Variants in LIMK2 observed in about 807,000 individuals in gnomAD.
The protein encoded by LIMK2 is LIM domain kinase 2.
In LIMK2, 35 loss-of-function variants were observed where a neutral mutation model predicts 75.7. The ratio of observed to expected loss-of-function variants is 0.46; its 90% CI spans 0.35 to 0.61. LIMK2 has a LOEUF of 0.61. Among genes scored for constraint, LIMK2 ranks in the 20% least tolerant of loss-of-function variants. The pLI is 0.00. For synonymous variants in LIMK2, 301 were observed against 319.2 expected (o/e 0.94, Z 0.61); for missense variants, 623 against 831.0 (o/e 0.75, Z 3.08).
In LIMK2 at chr22:31,266,087, C is replaced by T; in HGVS notation, c.996C>T (p.Ile332=). 1 of 1,614,196 alleles carries T rather than the reference C, an allele frequency of 6.2e-7. No homozygotes were observed. Among genetic ancestry groups the T allele is most frequent in the Non-Finnish European group, 8.5e-7 (1 of 1,180,032 alleles). The change falls in exon 8 of 16, where the codon ATC becomes ATT. Residue 332 remains isoleucine (I), a synonymous_variant. Transcript: ENST00000331728. ...SQQIFRPCDL[I]HGEVLGKGFF... ...AGATCTTCCGGCCCTGTGACCTAAT[C>T]CATGGGGAGGTCCTGGGGAAGGGCT...
rs772090294 is a variant in LIMK2, at chr22:31,259,861, C to T, written c.363-28C>T. Reference sequence around the variant, plus strand: ...GGGCTTCTGTGTGGGACTCTAGCATCTTATTCCCCCCTGTGCCCTCTCCCC... The same window carrying T: ...GGGCTTCTGTGTGGGACTCTAGCATTTTATTCCCCCCTGTGCCCTCTCCCC... On this transcript the variant is annotated intron_variant, in intron 4 of 15. Transcript: ENST00000331728. The T allele has an allele frequency of 5.1e-6, 8 of 1,581,716 alleles. No individual in the cohort carries two copies. The Admixed American group carries it at 1.4e-4, about 27-fold the overall frequency.
Position 31,212,299 on chromosome 22 carries a change from T to C in LIMK2, c.-110T>C. ...ATCCCGTTCGCGCCTGGGGCTGTGG[T>C]CTTCCCGCGCCTGAGGCGGCGGCGG... On this transcript the variant is annotated 5_prime_UTR_variant, in exon 1 of 16. Transcript: ENST00000331728. 1 of 1,191,676 alleles carries C rather than the reference T, an allele frequency of 8.4e-7. No homozygotes were observed. Among genetic ancestry groups the C allele is most frequent in the East Asian group, 3.0e-5 (1 of 33,088 alleles). The allele number at this position is 1,191,676 out of a possible 1,614,324, so 73.8% of individuals were successfully genotyped here.
intron 1 of LIMK2, among the ~76,000 whole-genome samples, chr22:31,214,148 A>G (rs908491897): frequency 6.6e-6 from 1 of 151,988 alleles, no homozygotes. Flanking sequence ...ACAGCTGTGT[A>G]ATATAGGTTG....
At chr22:31,271,030 C>A in intron 11 of LIMK2, 106 bp from the exon 12 acceptor site, 1 of 989,394 alleles carries the variant, frequency 1.0e-6, no homozygotes, top group East Asian at 2.4e-5. Context: ...GGTTCTGAAG[C>A]TGGGTGGGCA....
chr22:31,268,338 G>A (rs1423746376), intron 11 of LIMK2, 138 bp downstream of exon 11: 3 of 757,238 alleles, frequency 4.0e-6, no homozygotes, highest in Non-Finnish European at 7.2e-6. Context: ...GAGTTTGTCT[G>A]TGTCACTGAA....
rs2123837077 is a variant in LIMK2 at position 31,259,929 on chromosome 22, G to C, written c.403G>C (p.Glu135Gln). The C allele has an allele frequency of 6.2e-7, 1 of 1,610,102 alleles. No individual in the cohort carries two copies. The highest frequency in any genetic ancestry group is 1.1e-5 in the South Asian group (1 of 90,604). Residue 135 changes from glutamate to glutamine, a missense_variant, in exon 5 of 16, where the codon GAG (glutamate) becomes CAG (glutamine). By Grantham distance (29) the Glu-to-Gln change is conservative. This residue lies in a region of LIMK2 where 514 missense variants were observed against 661.3 expected (regional missense o/e 0.78). Transcript: ENST00000331728. ...TGAGGTGGTGCTGGCACCCATGTTT[G>C]AGAGACTCTCCACAGAGTCTGTTCA... is the stretch of plus-strand genomic sequence containing the variant. ...HNEVVLAPMF[E>Q]RLSTESVQEQ... is the part of the protein sequence containing the mutation.
intron 2 of LIMK2, among the ~76,000 whole-genome samples, chr22:31,231,980 A>G (rs886480493): frequency 3.3e-5 from 5 of 150,700 alleles, no homozygotes; most frequent in African/African-American, 1.2e-4. Flanking sequence ...ACACCTTGCC[A>G]TTTTTTTTTA....
intron 12 of LIMK2, 67 bp downstream of exon 12, chr22:31,271,268 A>T: frequency 7.1e-7 from 1 of 1,401,868 alleles, no homozygotes; most frequent in Non-Finnish European, 1.0e-6. Context: ...GTCACAAAGG[A>T]GGCTGACTTG....
At position 31,272,724 on chromosome 22, in the gene LIMK2, AG is replaced by A. The variant is rs1309672818; in HGVS notation, c.1558+24del. 6.4e-7 allele frequency: 1 copy of A among 1,569,546 alleles called. No individual in the cohort carries two copies. ...TGAACGGTGAGTCCTGAAGCCCTGG[AG>A]GGGACACCCGCAGAGGGAGGACAGA... On this transcript the variant is annotated intron_variant, in intron 13 of 15. Transcript: ENST00000331728.
At chr22:31,239,937 CAAACTTATG>C (rs2048610393) in intron 2 of LIMK2, among the ~76,000 whole-genome samples, 3 of 152,178 alleles carry the variant, frequency 2.0e-5, no homozygotes, top group African/African-American at 7.2e-5. Flanking sequence ...AAGATAAGCT[CAAACTTATG>C]TAGACTAAGA....
At chr22:31,216,534 A>G (rs2123760344) in intron 1 of LIMK2, among the ~76,000 whole-genome samples, 1 of 152,296 alleles carries the variant, frequency 6.6e-6, no homozygotes, top group African/African-American at 2.4e-5. Flanking sequence ...GGAGGTGGGT[A>G]TAGTGGGCCC....
Position 31,224,325 on chromosome 22 carries a change from G to A in LIMK2, c.17-1395G>A, listed in dbSNP as rs577471230. Among the ~76,000 whole-genome samples, 3 of 152,300 alleles carry A rather than the reference G, an allele frequency of 2.0e-5. No homozygotes were observed. In the South Asian group the frequency reaches 6.2e-4, roughly 32 times the overall value. On this transcript the variant is annotated intron_variant, in intron 1 of 15. Transcript: ENST00000331728. The stretch of plus-strand genomic sequence containing the variant: ...CCTTCACCCTCCTTTCTCAGCCAGT[G>A]ATAGGTAAGTCTTCCCTATCTTGCA...
At chr22:31,237,423 G>A (rs5749239) in intron 2 of LIMK2, among the ~76,000 whole-genome samples, 6,748 of 151,842 alleles carry the variant, frequency 0.044, 560 homozygotes, top group East Asian at 0.37. Flanking sequence ...AATTAGCCAG[G>A]CACGATGGCA....
chr22:31,213,817 C>CTTTTTTTTTTT (rs71689139), intron 1 of LIMK2, among the ~76,000 whole-genome samples: 1 of 145,334 alleles, frequency 6.9e-6, no homozygotes. Context: ...TTTCCAGTAA[C>CTTTTTTTTTTT]TTTTTTTTTT....
Position 31,272,608 on chromosome 22 carries a change from G to A in LIMK2, c.1462G>A (p.Ala488Thr), listed in dbSNP as rs553269007. ...GAGGAAAAGGGCCCCCATGGAGAAGGCCACCACCAAGAAACGCACCTTGCG... is the reference window on the plus strand; with the variant it reads ...GAGGAAAAGGGCCCCCATGGAGAAGACCACCACCAAGAAACGCACCTTGCG... ...EERKRAPMEK[A>T]TTKKRTLRKN... The change falls in exon 13 of 16, where the codon GCC becomes ACC. Residue 488 changes from alanine to threonine, a missense_variant. This residue lies in a region of LIMK2 where 514 missense variants were observed against 661.3 expected (regional missense o/e 0.78). Coordinates refer to ENST00000331728, the MANE Select transcript of LIMK2 (RefSeq NM_005569.4). The A allele has an allele frequency of 6.2e-7, 1 of 1,614,090 alleles. No homozygotes were observed. The highest frequency in any genetic ancestry group is 1.3e-5 in the African/African-American group (1 of 75,030).
chr22:31,263,834 TAA>T (rs2048865370), intron 7 of LIMK2, among the ~76,000 whole-genome samples: 1 of 151,966 alleles, frequency 6.6e-6, no homozygotes, highest in Admixed American at 6.6e-5. Context: ...CTACAAAGAA[TAA>T]AAAACTTAAC....
Position 31,270,407 on chromosome 22 carries a change from C to T in LIMK2, c.1318-729C>T, listed in dbSNP as rs148525668. On this transcript the variant is annotated intron_variant, in intron 11 of 15. Transcript: ENST00000331728. Reference sequence around the variant, plus strand: ...CAGGCAGGCAGGTCATGAGCTATAGCGATTCAGGAAGAGCTCCCTGGGTGT... The same window carrying T: ...CAGGCAGGCAGGTCATGAGCTATAGTGATTCAGGAAGAGCTCCCTGGGTGT... 5.5e-3 allele frequency among the ~76,000 whole-genome samples: 832 copies of T among 152,234 alleles called. 27 individuals carry two copies. The highest frequency in any genetic ancestry group is 0.047 in the Admixed American group (723 of 15,290).
At chr22:31,221,293 G>T (rs1284255000) in intron 1 of LIMK2, among the ~76,000 whole-genome samples, 1 of 151,896 alleles carries the variant, frequency 6.6e-6, no homozygotes, top group Non-Finnish European at 1.5e-5. Context: ...CCTGCCCCAG[G>T]GCCTTTGCAC....
chr22:31,243,478 T>TCATTCACTTACCACACCTTGCCTGAA (rs2048640967), intron 2 of LIMK2, among the ~76,000 whole-genome samples: 1 of 152,210 alleles, frequency 6.6e-6, no homozygotes, highest in Non-Finnish European at 1.5e-5. Flanking sequence ...TTGGGGTGAT[T>TCATTCACTTACCACACCTTGCCTGAA]CATTCACTTA....
Sources: allele counts gnomAD v4.1 joint callset (sites outside exome capture counted in the v4.1 genomes callset), GRCh38; gene constraint gnomAD v4.1.1; regional missense constraint gnomAD v4.1.1; transcripts MANE v1.5; gene names NCBI Gene and HGNC (gene_info 2026-07-23, HGNC 2026-07-21).